Variants in P4HTM observed in about 807,000 individuals in gnomAD.
P4HTM encodes transmembrane prolyl 4-hydroxylase.
P4HTM carries 33 observed loss-of-function variants against 55.3 expected under a neutral mutation model. The ratio of observed to expected loss-of-function variants is 0.60; its 90% CI spans 0.45 to 0.80. P4HTM has a LOEUF of 0.80. Ranked by LOEUF, P4HTM falls within the 30% of genes least tolerant of loss-of-function variation. The pLI, the probability that P4HTM is intolerant of heterozygous loss-of-function variation, is 0.00. For missense variants in P4HTM, 542 were observed against 696.5 expected (o/e 0.78, Z 2.50); for synonymous variants, 272 against 286.4 (o/e 0.95, Z 0.51).
Position 48,990,306 on chromosome 3 carries a change from A to C in P4HTM, c.50A>C (p.Glu17Ala). ...TGQRPETAAA[E>A]EASRPQWAPP... ...CAGCGGCCTGAGACCGCGGCGGCCG[A>C]GGAGGCCTCGAGGCCGCAGTGGGCG... is the stretch of plus-strand genomic sequence containing the variant. Residue 17 changes from glutamate (E) to alanine (A), a missense_variant, in exon 1 of 9, where the codon GAG (glutamate) becomes GCG (alanine). Transcript: ENST00000383729. This position sits in a 1 kb window ranked among gnomAD's most constrained non-coding sequence, Gnocchi z 7.2. The C allele has an allele frequency of 7.4e-7, 1 of 1,351,180 alleles. No individual in the cohort carries two copies. Among genetic ancestry groups the C allele is most frequent in the Middle Eastern group, 2.7e-4 (1 of 3,684 alleles). The allele number at this position is 1,351,180 out of a possible 1,614,324, so 83.7% of individuals were successfully genotyped here. A position where few individuals can be genotyped will look rare whatever the true frequency, so the allele number is the denominator to read the frequency against.
intron 6 of P4HTM, 194 bp downstream of exon 6, chr3:49,005,240 T>G: frequency 6.6e-7 from 1 of 1,524,362 alleles, no homozygotes; most frequent in South Asian, 1.3e-5. Flanking sequence ...CTACTGGTCA[T>G]CGTGACCACT....
rs781643821 is a variant in P4HTM at position 49,002,669 on chromosome 3, CT to C, written c.724+75del. The C allele has an allele frequency of 1.7e-6, 2 of 1,180,756 alleles. No individual in the cohort carries two copies. The highest frequency in any genetic ancestry group is 2.5e-6 in the Non-Finnish European group (2 of 785,826). The allele number at this position is 1,180,756 out of a possible 1,614,324, so 73.1% of individuals were successfully genotyped here. A position where few individuals can be genotyped will look rare whatever the true frequency, so the allele number is the denominator to read the frequency against. The stretch of plus-strand genomic sequence containing the variant: ...ACTCCCAGGTGCACAATTTTGAAAA[CT>C]TGGGCCCTTCCCCCACAGCCAGGCA... On this transcript the variant is annotated intron_variant, in intron 4 of 8. Coordinates refer to ENST00000383729, the MANE Select transcript of P4HTM (RefSeq NM_177939.3). This position sits in a 1 kb window ranked among gnomAD's most constrained non-coding sequence, Gnocchi z 4.4.
intron 4 of P4HTM, chr3:49,003,230 T>TA (rs2092966967): frequency 5.2e-6 from 1 of 193,650 alleles, no homozygotes; most frequent in African/African-American, 2.3e-5. Flanking sequence ...GAGAGGAAGA[T>TA]ACAGCAGTTA....
intron 2 of P4HTM, 107 bp downstream of exon 2, chr3:48,991,021 A>G (rs564890115): frequency 3.7e-6 from 3 of 800,922 alleles, no homozygotes; most frequent in Admixed American, 2.2e-5. Context: ...GCTGCTTCAG[A>G]GCAGCCCTTC....
At chr3:48,994,108 G>A (rs982642971) in intron 2 of P4HTM, among the ~76,000 whole-genome samples, 1 of 152,142 alleles carries the variant, frequency 6.6e-6, no homozygotes, top group Non-Finnish European at 1.5e-5. Context: ...GAATACTGTG[G>A]TATTGGATGA....
chr3:48,995,257 G>A (rs1034520791), intron 2 of P4HTM, among the ~76,000 whole-genome samples: 8 of 151,922 alleles, frequency 5.3e-5, no homozygotes, highest in Non-Finnish European at 1.2e-4. Context: ...GCTCACTACT[G>A]CCTCAGGGCC....
Position 48,990,731 on chromosome 3 carries a change from C to T in P4HTM, c.355-102C>T. 1 of 1,489,494 alleles carries T rather than the reference C, an allele frequency of 6.7e-7. No homozygotes were observed. The highest frequency in any genetic ancestry group is 1.4e-5 in the African/African-American group (1 of 72,034). The allele number at this position is 1,489,494 out of a possible 1,614,324, so 92.3% of individuals were successfully genotyped here. The stretch of plus-strand genomic sequence containing the variant: ...TGCTCTGCGTCGGTCCCGCGCGCTC[C>T]CACTCACTCGCCTGCTGTCGCTCTC... On this transcript the variant is annotated intron_variant, in intron 1 of 8. Coordinates refer to ENST00000383729, the MANE Select transcript of P4HTM (RefSeq NM_177939.3). This position sits in a 1 kb window ranked among gnomAD's most constrained non-coding sequence, Gnocchi z 7.2.
chr3:49,006,644 T>C, intron 8 of P4HTM, 43 bp from the exon 9 acceptor site: 1 of 1,573,864 alleles, frequency 6.4e-7, no homozygotes, highest in Non-Finnish European at 8.7e-7. Flanking sequence ...GGCCAAGCTC[T>C]GGCCAGCCCA....
At chr3:48,997,521 C>T (rs1361741925) in intron 2 of P4HTM, 1 of 152,366 alleles carries the variant, frequency 6.6e-6, no homozygotes, top group Non-Finnish European at 1.5e-5. Context: ...TCCTGGAGAA[C>T]CTGACCTTCA....
chr3:49,004,669 C>T, intron 5 of P4HTM, 192 bp from the exon 6 acceptor site: 1 of 614,846 alleles, frequency 1.6e-6, no homozygotes, highest in South Asian at 1.9e-5. Context: ...CTGTCTTTGG[C>T]ATCTGAGGGA....
rs774853784 is a variant in P4HTM at position 49,002,787 on chromosome 3, C to T, written c.724+191C>T. Reference sequence around the variant, plus strand: ...CTGGGAAGTAGGCAGGCAGCCAGGCCCCCCGTTCCCCTTGGTGATGGTCTC... The same window carrying T: ...CTGGGAAGTAGGCAGGCAGCCAGGCTCCCCGTTCCCCTTGGTGATGGTCTC... On this transcript the variant is annotated intron_variant, in intron 4 of 8. Coordinates refer to ENST00000383729, the MANE Select transcript of P4HTM (RefSeq NM_177939.3). This position sits in a 1 kb window ranked among gnomAD's most constrained non-coding sequence, Gnocchi z 4.4. 3.8e-5 allele frequency: 26 copies of T among 682,916 alleles called. No individual in the cohort carries two copies. The highest frequency in any genetic ancestry group is 6.4e-5 in the Non-Finnish European group (24 of 372,756). The allele number at this position is 682,916 out of a possible 1,614,324, so 42.3% of individuals were successfully genotyped here.
chr3:49,003,900 G>A, intron 4 of P4HTM, 198 bp from the exon 5 acceptor site: 1 of 577,330 alleles, frequency 1.7e-6, no homozygotes, highest in Non-Finnish European at 3.1e-6. Context: ...ACTGCTCTGG[G>A]TCTTCCTGTA....
At chr3:48,991,910 A>G (rs906500223) in intron 2 of P4HTM, 8 of 152,336 alleles carry the variant, frequency 5.3e-5, no homozygotes, top group African/African-American at 1.9e-4. Context: ...CTGGGGCCAA[A>G]GTAGAACATC....
chr3:49,006,838 A>T lies in P4HTM; in HGVS notation c.1440A>T (p.Glu480Asp). Residue 480 changes from glutamate (E) to aspartate (D), a missense_variant, in exon 9 of 9, where the codon GAA becomes GAT. By Grantham distance (45) the Glu-to-Asp change is conservative. This residue lies in a region of P4HTM where 536 missense variants were observed against 672.1 expected (regional missense o/e 0.80). Coordinates refer to ENST00000383729, the MANE Select transcript of P4HTM (RefSeq NM_177939.3). ...AGGAGATGGCCCGCCTTGCCCGAGA[A>T]GGGGGCACCGACTCACAGCCCGAGT... is the stretch of plus-strand genomic sequence containing the variant. ...FQQEMARLAR[E>D]GGTDSQPEWA... is the part of the protein sequence containing the mutation. The T allele has an allele frequency of 6.2e-7, 1 of 1,613,244 alleles. No individual in the cohort carries two copies. The highest frequency in any genetic ancestry group is 8.5e-7 in the Non-Finnish European group (1 of 1,179,998).
rs1310502297 is a variant in P4HTM, at chr3:49,006,216, G to A, written c.1288+29G>A. 3 of 1,598,542 alleles carry A rather than the reference G, an allele frequency of 1.9e-6. No homozygotes were observed. The Admixed American group carries it at 5.0e-5, about 27-fold the overall frequency. On this transcript the variant is annotated intron_variant, in intron 8 of 8. Transcript: ENST00000383729. Reference sequence around the variant, plus strand: ...AGGGCCTATGGCCAGGCCTGGGGGGGGTGCCCTGAGTACAGCTTCCCTTTA... The same window carrying A: ...AGGGCCTATGGCCAGGCCTGGGGGGAGTGCCCTGAGTACAGCTTCCCTTTA...
chr3:48,994,342 A>G (rs2092939333), intron 2 of P4HTM, among the ~76,000 whole-genome samples: 1 of 152,206 alleles, frequency 6.6e-6, no homozygotes, highest in Non-Finnish European at 1.5e-5. Flanking sequence ...CGAAGAGTGG[A>G]TGCTAAAGAT....
intron 2 of P4HTM, chr3:48,997,961 G>C (rs1277425709): frequency 6.6e-6 from 1 of 152,184 alleles, no homozygotes; most frequent in African/African-American, 2.4e-5. Context: ...TGCAGCGCTG[G>C]GAAGAGGGGC....
At position 49,002,190 on chromosome 3, in the gene P4HTM, C is replaced by T. The variant is rs936715549; in HGVS notation, c.628-310C>T. ...AGGACTTGGCTTTCCCCATCTCACC[C>T]GGAGTATCTGAGTGGGACACAGGCC... On this transcript the variant is annotated intron_variant, in intron 3 of 8. Transcript: ENST00000383729. The surrounding 1 kb of genome is among the most constrained non-coding windows in gnomAD (Gnocchi z 4.4). Among the ~76,000 whole-genome samples, 9 of 152,264 alleles carry T rather than the reference C, an allele frequency of 5.9e-5. No homozygotes were observed. Among genetic ancestry groups the T allele is most frequent in the African/African-American group, 1.7e-4 (7 of 41,478 alleles).
chr3:49,006,956 A>T lies in P4HTM; in HGVS notation c.*49A>T. ...AGCCGCGGGTCGCCAGTTGCCCAAG[A>T]TCAGGGGTCCGGCTGTCCTTCTGTC... On this transcript the variant is annotated 3_prime_UTR_variant, in exon 9 of 9. Coordinates refer to ENST00000383729, the MANE Select transcript of P4HTM (RefSeq NM_177939.3). The T allele has an allele frequency of 1.4e-6, 2 of 1,461,388 alleles. No individual in the cohort carries two copies. Among genetic ancestry groups the T allele is most frequent in the Non-Finnish European group, 1.9e-6 (2 of 1,062,974 alleles). The allele number at this position is 1,461,388 out of a possible 1,614,324, so 90.5% of individuals were successfully genotyped here.
Sources: gnomAD v4.1 joint callset for allele counts (sites outside exome capture counted in the v4.1 genomes callset) on GRCh38, gnomAD v4.1.1 for gene constraint, gnomAD v4.1.1 regional missense constraint, Gnocchi (gnomAD v3.1) non-coding constraint, MANE v1.5 for transcripts, NCBI Gene and HGNC (gene_info 2026-07-23, HGNC 2026-07-21) for gene names.